Variants in SPOCK3 observed in about 807,000 individuals in gnomAD.
The protein encoded by SPOCK3 is SPARC (osteonectin), cwcv and kazal like domains proteoglycan 3.
Under a neutral mutation model 56.6 loss-of-function variants are expected in SPOCK3, and 30 were observed. The observed-to-expected ratio is 0.53, with a 90% CI of 0.40 to 0.72. SPOCK3 has a LOEUF of 0.72. Ranked by LOEUF, SPOCK3 falls within the 30% of genes least tolerant of loss-of-function variation. SPOCK3 has a pLI of 0.00. For synonymous variants in SPOCK3, 196 were observed against 183.3 expected, an observed-to-expected ratio of 1.07 and a Z score of -0.56; for missense variants, 527 against 530.0, an observed-to-expected ratio of 0.99 and a Z score of 0.06.
At position 167,055,489 on chromosome 4, in the gene SPOCK3, C is replaced by A. The variant is rs181100062; in HGVS notation, c.235+7003G>T. On this transcript the variant is annotated intron_variant, in intron 3 of 10. Transcript: ENST00000357545. ...GCAGCACACCGTGCGCGAGCCAAAGCAGGGTGAGGCATTGCCTCACATGGG... is the reference window on the plus strand; with the variant it reads ...GCAGCACACCGTGCGCGAGCCAAAGAAGGGTGAGGCATTGCCTCACATGGG... 3.4e-4 allele frequency among the ~76,000 whole-genome samples: 52 copies of A among 152,282 alleles called. 2 individuals are homozygous for A. In the East Asian group the frequency reaches 9.9e-3, roughly 29 times the overall value.
At chr4:167,125,239 T>TTTTTATTTATTTATTTATTTTTA (rs1374382229) in intron 2 of SPOCK3, among the ~76,000 whole-genome samples, 1 of 148,802 alleles carries the variant, frequency 6.7e-6, no homozygotes. Context: ...TTTTATTTAT[T>TTTTTATTTATTTATTTATTTTTA]TTTATTTTTT....
At chr4:166,886,714 CATT>C (rs1372651002) in intron 6 of SPOCK3, among the ~76,000 whole-genome samples, 1 of 152,080 alleles carries the variant, frequency 6.6e-6, no homozygotes, top group African/African-American at 2.4e-5. Flanking sequence ...AGAAATATCT[CATT>C]GTTGGTAGTT....
chr4:166,962,598 G>T (rs974848979), intron 4 of SPOCK3, among the ~76,000 whole-genome samples: 4 of 152,050 alleles, frequency 2.6e-5, no homozygotes, highest in African/African-American at 9.7e-5. Context: ...TGCTATAGTG[G>T]AAACCTATTT....
At chr4:167,213,415 A>G (rs568755323) in intron 2 of SPOCK3, among the ~76,000 whole-genome samples, 43 of 152,282 alleles carry the variant, frequency 2.8e-4, no homozygotes, top group African/African-American at 1.0e-3. Context: ...TTCATGTCAC[A>G]AATTGCATTA....
chr4:167,109,353 AATATATATTT>A (rs1760623734), intron 2 of SPOCK3, among the ~76,000 whole-genome samples: 1 of 43,698 alleles, frequency 2.3e-5, no homozygotes, highest in Non-Finnish European at 4.3e-5. Context: ...TAATAAAATA[AATATATATTT>A]ATATATATAT....
chr4:166,846,060 T>C (rs2126852757), intron 6 of SPOCK3, among the ~76,000 whole-genome samples: 1 of 152,214 alleles, frequency 6.6e-6, no homozygotes, highest in African/African-American at 2.4e-5. Context: ...AAAAAGGTAA[T>C]GCTTTGAGCT....
At chr4:166,744,481 T>A (rs926628766) in intron 8 of SPOCK3, among the ~76,000 whole-genome samples, 2 of 151,636 alleles carry the variant, frequency 1.3e-5, no homozygotes, top group African/African-American at 4.8e-5. Flanking sequence ...CATCTGTAGG[T>A]CACCATCATC....
At chr4:167,148,054 T>C (rs1362871072) in intron 2 of SPOCK3, among the ~76,000 whole-genome samples, 4 of 152,186 alleles carry the variant, frequency 2.6e-5, no homozygotes, top group Admixed American at 2.6e-4. Flanking sequence ...AGCAGTTCAC[T>C]GGTGATTTTG....
At chr4:166,912,251 G>C (rs913206116) in intron 5 of SPOCK3, among the ~76,000 whole-genome samples, 2 of 152,024 alleles carry the variant, frequency 1.3e-5, no homozygotes, top group Admixed American at 6.6e-5. Flanking sequence ...TAATATAGGA[G>C]ATAAAATATG....
chr4:167,038,503 A>ACT (rs1281778925), intron 3 of SPOCK3, among the ~76,000 whole-genome samples: 1 of 152,114 alleles, frequency 6.6e-6, no homozygotes, highest in African/African-American at 2.4e-5. Flanking sequence ...ACGTCCCAGA[A>ACT]TCTAATAGCC....
chr4:167,190,429 C>T (rs1388358663), intron 2 of SPOCK3, among the ~76,000 whole-genome samples: 1 of 146,132 alleles, frequency 6.8e-6, no homozygotes, highest in Non-Finnish European at 1.5e-5. Flanking sequence ...GAAAAAAAGT[C>T]TATTCATGTC....
intron 8 of SPOCK3, among the ~76,000 whole-genome samples, chr4:166,745,138 C>G (rs1463001468): frequency 6.6e-6 from 1 of 152,054 alleles, no homozygotes; most frequent in Non-Finnish European, 1.5e-5. Flanking sequence ...ATACAGAGAA[C>G]ACCACAAAGA....
chr4:166,860,933 G>A (rs1188779180), intron 6 of SPOCK3, among the ~76,000 whole-genome samples: 2 of 150,996 alleles, frequency 1.3e-5, no homozygotes, highest in African/African-American at 2.4e-5. Flanking sequence ...ACACTATAAC[G>A]TCTGGAATAA....
intron 2 of SPOCK3, among the ~76,000 whole-genome samples, chr4:167,116,625 A>ATATGCTATATACGTATATATATACACG (rs1761384734): frequency 8.0e-6 from 1 of 125,216 alleles, no homozygotes; most frequent in African/African-American, 3.1e-5. Context: ...ATATATATAC[A>ATATGCTATATACGTATATATATACACG]TATATACTAT....
intron 4 of SPOCK3, among the ~76,000 whole-genome samples, chr4:166,943,999 T>C (rs1471306949): frequency 6.6e-6 from 1 of 152,042 alleles, no homozygotes; most frequent in Non-Finnish European, 1.5e-5. Flanking sequence ...ATACAAAAAT[T>C]AGCCGAGCAT....
intron 3 of SPOCK3, among the ~76,000 whole-genome samples, chr4:167,006,638 A>T (rs896358263): frequency 2.0e-5 from 3 of 152,172 alleles, no homozygotes; most frequent in African/African-American, 7.2e-5. Flanking sequence ...CATCTATTTA[A>T]TCTGATCTTT....
At chr4:166,908,272 TCACACA>T (rs5863846) in intron 5 of SPOCK3, among the ~76,000 whole-genome samples, 2,123 of 138,488 alleles carry the variant, frequency 0.015, 26 homozygotes, top group African/African-American at 0.036. Context: ...ATGTTATTGT[TCACACA>T]CACACACACA....
intron 7 of SPOCK3, among the ~76,000 whole-genome samples, chr4:166,762,537 G>T (rs989581026): frequency 6.6e-6 from 1 of 152,022 alleles, no homozygotes; most frequent in Admixed American, 6.6e-5. Context: ...AAACTTCTCT[G>T]GGATTCAACC....
intron 6 of SPOCK3, among the ~76,000 whole-genome samples, chr4:166,867,062 C>T (rs577304019): frequency 6.6e-6 from 1 of 152,110 alleles, no homozygotes; most frequent in Non-Finnish European, 1.5e-5. Context: ...TCTCTGCAAG[C>T]TTAACCTAAG....
Sources: allele counts gnomAD v4.1 joint callset (sites outside exome capture counted in the v4.1 genomes callset), GRCh38; gene constraint gnomAD v4.1.1; transcripts MANE v1.5; gene names NCBI Gene and HGNC (gene_info 2026-07-23, HGNC 2026-07-21).